The following DUSP26 variants were observed in gnomAD, a reference collection of about 807,000 sequenced individuals.
DUSP26 encodes the protein dual specificity phosphatase 26, also known as dual specificity protein phosphatase 26.
A neutral mutation model predicts 20.0 loss-of-function variants in DUSP26; 12 were observed. The ratio of observed to expected loss-of-function variants is 0.60; its 90% CI spans 0.38 to 0.97. The LOEUF is 0.97. Among genes scored for constraint, DUSP26 ranks in the 50% least tolerant of loss-of-function variants. The probability of loss-of-function intolerance (pLI) is 0.00; values close to 1 mark genes in which losing one functional copy is unlikely to be tolerated. For synonymous variants in DUSP26, 120 were observed against 118.8 expected (o/e 1.01, Z -0.06); for missense variants, 230 against 294.0 (o/e 0.78, Z 1.59).
At position 33,599,954 on chromosome 8, in the gene DUSP26, C is replaced by G. The variant is rs1273616495; in HGVS notation, c.-366G>C. The G allele has an allele frequency of 6.6e-6, 1 of 152,258 alleles. No individual in the cohort carries two copies. The highest frequency in any genetic ancestry group is 1.5e-5 in the Non-Finnish European group (1 of 68,066). The allele number at this position is 152,258 out of a possible 1,614,324, so 9.4% of individuals were successfully genotyped here. On this transcript the variant is annotated 5_prime_UTR_variant, in exon 1 of 4. Coordinates refer to ENST00000256261, the MANE Select transcript of DUSP26 (RefSeq NM_024025.3). Reference sequence around the variant, plus strand: ...GAGCCCGCGCGCCTTGCAGACCAGACACGGCCCCGCCGAGCCCCAGCAGCA... The same window carrying G: ...GAGCCCGCGCGCCTTGCAGACCAGAGACGGCCCCGCCGAGCCCCAGCAGCA...
intron 1 of DUSP26, among the ~76,000 whole-genome samples, chr8:33,599,341 G>T (rs1811219591): frequency 6.6e-6 from 1 of 152,182 alleles, no homozygotes; most frequent in Admixed American, 6.5e-5. Context: ...TTTCCCGGGG[G>T]ATGCAGAAGC....
Position 33,591,338 on chromosome 8 carries a change from C to G in DUSP26, c.*675G>C, listed in dbSNP as rs2128845510. On this transcript the variant is annotated 3_prime_UTR_variant, in exon 4 of 4. Coordinates refer to ENST00000256261, the MANE Select transcript of DUSP26 (RefSeq NM_024025.3). ...GACTTCAAGAAACTCTCTTCTTTTT[C>G]ATGATCTTTATTTATCCTCGAGACG... The G allele has an allele frequency of 6.6e-6, 1 of 152,638 alleles. No homozygotes were observed. The highest frequency in any genetic ancestry group is 1.5e-5 in the Non-Finnish European group (1 of 68,036). The allele number at this position is 152,638 out of a possible 1,614,324, so 9.5% of individuals were successfully genotyped here.
intron 2 of DUSP26, among the ~76,000 whole-genome samples, chr8:33,595,759 C>T (rs1303488358): frequency 6.6e-6 from 1 of 152,066 alleles, no homozygotes; most frequent in Non-Finnish European, 1.5e-5. Flanking sequence ...CACCCCTGGG[C>T]ACCACAGTCA....
In DUSP26 at chr8:33,591,742, C is replaced by T. The variant is rs78301676; in HGVS notation, c.*271G>A. The T allele has an allele frequency of 1.7e-5, 8 of 477,966 alleles. No individual in the cohort carries two copies. The highest frequency in any genetic ancestry group is 8.2e-5 in the East Asian group (2 of 24,374). The allele number at this position is 477,966 out of a possible 1,614,324, so 29.6% of individuals were successfully genotyped here. A position where few individuals can be genotyped will look rare whatever the true frequency, so the allele number is the denominator to read the frequency against. Reference sequence around the variant, plus strand: ...AGGGAGCACCCTGGCCAGATCCCAGCGGTGTTCGAATCCCAGGACCATCTT... The same window carrying T: ...AGGGAGCACCCTGGCCAGATCCCAGTGGTGTTCGAATCCCAGGACCATCTT... On this transcript the variant is annotated 3_prime_UTR_variant, in exon 4 of 4. Coordinates refer to ENST00000256261, the MANE Select transcript of DUSP26 (RefSeq NM_024025.3).
chr8:33,591,813 G>T lies in DUSP26; in HGVS notation c.*200C>A. 1.7e-6 allele frequency: 1 copy of T among 605,960 alleles called. No homozygotes were observed. The highest frequency in any genetic ancestry group is 2.9e-6 in the Non-Finnish European group (1 of 350,860). 37.5% of individuals were successfully genotyped at this position (605,960 alleles called of 1,614,324 possible). ...TCCTTCCCTGGTCAACCCTTCCTGGGTGCCCATCCACCACACTGCCCAACC... is the reference window on the plus strand; with the variant it reads ...TCCTTCCCTGGTCAACCCTTCCTGGTTGCCCATCCACCACACTGCCCAACC... On this transcript the variant is annotated 3_prime_UTR_variant, in exon 4 of 4. Coordinates refer to ENST00000256261, the MANE Select transcript of DUSP26 (RefSeq NM_024025.3).
chr8:33,591,959 G>T lies in DUSP26; in HGVS notation c.*54C>A, dbSNP rs1016840220. ...CTGCCACCTGGGCCTCCTATCTCCA[G>T]CTGGGAGCCAGGGACCTACCCACGG... On this transcript the variant is annotated 3_prime_UTR_variant, in exon 4 of 4. Transcript: ENST00000256261. 5.6e-6 allele frequency: 9 copies of T among 1,599,944 alleles called. No homozygotes were observed. The highest frequency in any genetic ancestry group is 7.7e-6 in the Non-Finnish European group (9 of 1,175,358).
chr8:33,598,029 G>C (rs908092227), intron 1 of DUSP26, among the ~76,000 whole-genome samples: 1 of 152,060 alleles, frequency 6.6e-6, no homozygotes, highest in African/African-American at 2.4e-5. Context: ...GGTACCTTTA[G>C]ACCCATCCAA....
chr8:33,596,049 TGAAG>T (rs1811136316), intron 2 of DUSP26, among the ~76,000 whole-genome samples: 1 of 151,446 alleles, frequency 6.6e-6, no homozygotes, highest in East Asian at 2.0e-4. Flanking sequence ...TTTGGGAGGC[TGAAG>T]CAGGTGGATC....
Position 33,593,551 on chromosome 8 carries a change from C to A in DUSP26, c.418G>T (p.Ala140Ser). The A allele has an allele frequency of 6.2e-7, 1 of 1,613,766 alleles. No homozygotes were observed. The highest frequency in any genetic ancestry group is 8.5e-7 in the Non-Finnish European group (1 of 1,179,676). Residue 140 changes from alanine (A) to serine (S), a missense_variant, in exon 3 of 4, where the codon GCG becomes TCG. Ala to Ser is a moderately conservative substitution (Grantham distance 99). Transcript: ENST00000256261. ...FQTAADFIHR[A>S]LSQPGGKILV... The stretch of plus-strand genomic sequence containing the variant: ...CTCCTACCTCCTGGCTGGCTCAGCG[C>A]CCGGTGGATGAAGTCGGCAGCCGTC...
At chr8:33,597,615 C>A in intron 1 of DUSP26, 24 bp from the exon 2 acceptor site, 1 of 1,039,146 alleles carries the variant, frequency 9.6e-7, no homozygotes. Context: ...GGGTGTGAGA[C>A]ACACTTGAGT....
intron 3 of DUSP26, 131 bp downstream of exon 3, chr8:33,593,402 A>AT: frequency 1.9e-6 from 2 of 1,047,432 alleles, no homozygotes; most frequent in Non-Finnish European, 2.7e-6. Flanking sequence ...TTGAGATAAT[A>AT]TTTTTTTCTT....
At chr8:33,596,580 CA>C (rs111494053) in intron 2 of DUSP26, among the ~76,000 whole-genome samples, 1 of 149,132 alleles carries the variant, frequency 6.7e-6, no homozygotes, top group Non-Finnish European at 1.5e-5. Flanking sequence ...ATACTGTCTC[CA>C]AAAAAAAATA....
chr8:33,599,192 T>G (rs1248572743), intron 1 of DUSP26, among the ~76,000 whole-genome samples: 1 of 150,030 alleles, frequency 6.7e-6, no homozygotes, highest in African/African-American at 2.5e-5. Flanking sequence ...CTTCTACCTT[T>G]GCACCCAGGC....
At chr8:33,599,501 G>A (rs1470610366) in intron 1 of DUSP26, among the ~76,000 whole-genome samples, 164 bp downstream of exon 1, 2 of 152,288 alleles carry the variant, frequency 1.3e-5, no homozygotes, top group East Asian at 3.9e-4. Context: ...CCTGGCAGCC[G>A]GGCCCCGCGC....
chr8:33,593,392 TTGAGA>T (rs1368933270), intron 3 of DUSP26, 136 bp downstream of exon 3: 2 of 965,102 alleles, frequency 2.1e-6, no homozygotes, highest in African/African-American at 3.3e-5. Context: ...AAAAAAATGG[TTGAGA>T]TAATATTTTT....
At position 33,597,522 on chromosome 8, in the gene DUSP26, G is replaced by A. The variant is rs73612671; in HGVS notation, c.-7C>T. ...GCCAGTTACCAGGGCACATCTTAGA[G>A]GTGGCAGAAACCGTGGCAGCTGCAG... On this transcript the variant is annotated 5_prime_UTR_variant, in exon 2 of 4. Transcript: ENST00000256261. 2.8e-3 allele frequency: 4,406 copies of A among 1,602,008 alleles called. 103 individuals carry two copies. The African/African-American group carries it at 0.05, about 18-fold the overall frequency.
chr8:33,593,661 G>A lies in DUSP26; in HGVS notation c.308C>T (p.Pro103Leu), dbSNP rs781725072. Residue 103 changes from proline (P) to leucine (L), a missense_variant, in exon 3 of 4, where the codon CCC becomes CTC. Pro to Leu is a moderately conservative substitution (Grantham distance 98). Transcript: ENST00000256261. ...NASHSRWRGT[P>L]EAYEGLGIRY... ...GATGCCCAGCCCCTCATAGGCCTCG[G>A]GCGTGCCTCGCCACCGGCTGTGTGA... 1 of 1,614,056 alleles carries A rather than the reference G, an allele frequency of 6.2e-7. No individual in the cohort carries two copies. The highest frequency in any genetic ancestry group is 1.3e-5 in the African/African-American group (1 of 74,934).
chr8:33,593,133 G>A (rs923503321), intron 3 of DUSP26, among the ~76,000 whole-genome samples: 2 of 152,278 alleles, frequency 1.3e-5, no homozygotes, highest in Non-Finnish European at 1.5e-5. Context: ...TTAGCTGGAT[G>A]TGGTGGCGGA....
rs373673469 is a variant in DUSP26 at position 33,597,226 on chromosome 8, C to T, written c.221+69G>A. 8.3e-6 allele frequency: 12 copies of T among 1,442,140 alleles called. No individual in the cohort carries two copies. In the African/African-American group the frequency reaches 1.3e-4, roughly 15 times the overall value. The allele number at this position is 1,442,140 out of a possible 1,614,324, so 89.3% of individuals were successfully genotyped here. A position where few individuals can be genotyped will look rare whatever the true frequency, so the allele number is the denominator to read the frequency against. On this transcript the variant is annotated intron_variant, in intron 2 of 3. Transcript: ENST00000256261. ...GACACCACTGCATACCTGTCTGCCA[C>T]CCTTCTCCTTTCTTACACACACAAA...
Sources: allele counts gnomAD v4.1 joint callset (sites outside exome capture counted in the v4.1 genomes callset), GRCh38; gene constraint gnomAD v4.1.1; transcripts MANE v1.5; gene names NCBI Gene and HGNC (gene_info 2026-07-23, HGNC 2026-07-21).